The following LSAMP variants were observed in gnomAD, a reference collection of about 807,000 sequenced individuals.
LSAMP encodes the protein limbic system-associated membrane protein.
In LSAMP, 7 loss-of-function variants were observed where a neutral mutation model predicts 38.6. The observed-to-expected ratio is 0.18, with a 90% CI of 0.10 to 0.34. The LOEUF is 0.34. LSAMP is among the 10% of genes least tolerant of loss of function. The pLI is 1.00. For synonymous variants in LSAMP, 154 were observed against 166.8 expected (o/e 0.92, Z 0.59); for missense variants, 313 against 420.0 (o/e 0.75, Z 2.23).
chr3:116,155,021 TTTTTTG>T (rs934698750), intron 1 of LSAMP, among the ~76,000 whole-genome samples: 6 of 151,808 alleles, frequency 4.0e-5, no homozygotes, highest in Non-Finnish European at 5.9e-5. Context: ...TGTTTTGGTT[TTTTTTG>T]TTTTTTGTTT....
chr3:115,943,698 G>A lies in LSAMP; in HGVS notation c.514+75817C>T, dbSNP rs142739138. Among the ~76,000 whole-genome samples, 45 of 152,244 alleles carry A rather than the reference G, an allele frequency of 3.0e-4. No individual in the cohort carries two copies. The East Asian group carries it at 7.0e-3, about 24-fold the overall frequency. ...TACTTCACCTTCTGAAATCTAATCC[G>A]AAACAGGAACTAAACTGTACACGTG... On this transcript the variant is annotated intron_variant, in intron 3 of 6. Coordinates refer to ENST00000490035, the MANE Select transcript of LSAMP (RefSeq NM_002338.5).
intron 1 of LSAMP, among the ~76,000 whole-genome samples, chr3:116,436,783 G>A (rs1181048815): frequency 2.0e-5 from 3 of 151,964 alleles, no homozygotes; most frequent in African/African-American, 4.8e-5. Flanking sequence ...ATTCCTTAAA[G>A]AACTAAAACT....
At chr3:116,279,108 A>G (rs1236647068) in intron 1 of LSAMP, among the ~76,000 whole-genome samples, 1 of 152,206 alleles carries the variant, frequency 6.6e-6, no homozygotes, top group Non-Finnish European at 1.5e-5. Context: ...GAATGCATTC[A>G]CCAATTTTTC....
chr3:116,433,707 A>C (rs1007498706), intron 1 of LSAMP, among the ~76,000 whole-genome samples: 1 of 152,160 alleles, frequency 6.6e-6, no homozygotes, highest in Non-Finnish European at 1.5e-5. Context: ...CAATCCTGCT[A>C]TTTAAGTAAC....
chr3:116,390,120 T>C (rs1454427522), intron 1 of LSAMP, among the ~76,000 whole-genome samples: 8 of 140,962 alleles, frequency 5.7e-5, no homozygotes, highest in African/African-American at 2.4e-4. Flanking sequence ...AAATTATATA[T>C]GTATGTATGT....
intron 3 of LSAMP, among the ~76,000 whole-genome samples, chr3:115,886,253 G>T (rs1936450740): frequency 6.6e-6 from 1 of 151,808 alleles, no homozygotes; most frequent in African/African-American, 2.4e-5. Flanking sequence ...CAGCTATCTG[G>T]GTACCCCTAA....
At chr3:116,277,001 A>G (rs142618652) in intron 1 of LSAMP, among the ~76,000 whole-genome samples, 98 of 152,352 alleles carry the variant, frequency 6.4e-4, no homozygotes, top group African/African-American at 2.2e-3. Context: ...GCGAGTACAC[A>G]TGGAGCAGAA....
At chr3:116,248,873 C>A (rs190096802) in intron 1 of LSAMP, among the ~76,000 whole-genome samples, 56 of 152,134 alleles carry the variant, frequency 3.7e-4, no homozygotes, top group Admixed American at 1.2e-3. Flanking sequence ...AACTGCCAGG[C>A]GCGGTGGCTC....
intron 3 of LSAMP, among the ~76,000 whole-genome samples, chr3:115,871,516 A>G (rs1354102097): frequency 6.6e-6 from 1 of 152,066 alleles, no homozygotes; most frequent in African/African-American, 2.4e-5. Flanking sequence ...ATACAAAGAT[A>G]TGATACCCCT....
chr3:116,292,962 G>C (rs1312816705), intron 1 of LSAMP, among the ~76,000 whole-genome samples: 1 of 152,142 alleles, frequency 6.6e-6, no homozygotes, highest in African/African-American at 2.4e-5. Context: ...TGCTATGTCA[G>C]CCTTAACAAA....
chr3:116,191,557 G>C (rs1294544523), intron 1 of LSAMP, among the ~76,000 whole-genome samples: 1 of 152,048 alleles, frequency 6.6e-6, no homozygotes. Flanking sequence ...GAGGATTCCA[G>C]TCAACTTTTG....
chr3:116,293,810 G>A (rs1318237632), intron 1 of LSAMP, among the ~76,000 whole-genome samples: 1 of 152,006 alleles, frequency 6.6e-6, no homozygotes, highest in Non-Finnish European at 1.5e-5. Context: ...GGCAGGAATT[G>A]TTCTATACTT....
intron 1 of LSAMP, among the ~76,000 whole-genome samples, chr3:116,149,870 A>G (rs73140924): frequency 3.3e-5 from 5 of 152,176 alleles, no homozygotes; most frequent in Non-Finnish European, 4.4e-5. Flanking sequence ...GCTGAGAGAT[A>G]TATGAACACC....
At chr3:116,394,158 A>C (rs2048739049) in intron 1 of LSAMP, among the ~76,000 whole-genome samples, 1 of 152,196 alleles carries the variant, frequency 6.6e-6, no homozygotes, top group African/African-American at 2.4e-5. Flanking sequence ...TTAAGTAATG[A>C]GGTACTTTGT....
intron 1 of LSAMP, among the ~76,000 whole-genome samples, chr3:116,326,458 C>A (rs1419819006): frequency 1.3e-5 from 2 of 152,128 alleles, no homozygotes; most frequent in African/African-American, 4.8e-5. Flanking sequence ...AACTCCAGTG[C>A]CCTTGGATCC....
At chr3:115,846,675 T>C (rs569096429) in intron 4 of LSAMP, among the ~76,000 whole-genome samples, 135 of 152,174 alleles carry the variant, frequency 8.9e-4, no homozygotes, top group Non-Finnish European at 1.4e-3. Context: ...TTTATCATGC[T>C]CTGAAACTCA....
intron 2 of LSAMP, among the ~76,000 whole-genome samples, chr3:116,059,018 A>G (rs994869467): frequency 2.6e-5 from 4 of 152,130 alleles, no homozygotes; most frequent in African/African-American, 9.7e-5. Flanking sequence ...CCTTCGATAC[A>G]TAAAGGGCTG....
chr3:116,273,203 A>C (rs2046997321), intron 1 of LSAMP, among the ~76,000 whole-genome samples: 1 of 151,974 alleles, frequency 6.6e-6, no homozygotes. Flanking sequence ...TCTCCACCTC[A>C]TCTTATCCTT....
chr3:116,013,917 C>T (rs569069280), intron 3 of LSAMP, among the ~76,000 whole-genome samples: 3 of 152,266 alleles, frequency 2.0e-5, no homozygotes, highest in Admixed American at 2.0e-4. Context: ...ATTTTCTTGG[C>T]TAGGTCCTAT....
Sources: gnomAD v4.1 joint callset for allele counts (sites outside exome capture counted in the v4.1 genomes callset) on GRCh38, gnomAD v4.1.1 for gene constraint, MANE v1.5 for transcripts, NCBI Gene and HGNC (gene_info 2026-07-23, HGNC 2026-07-21) for gene names.